Variants in SRC observed in about 807,000 individuals in gnomAD.
SRC encodes the protein SRC proto-oncogene, non-receptor tyrosine kinase.
A neutral mutation model predicts 62.9 loss-of-function variants in SRC; 13 were observed. That is an observed-to-expected ratio of 0.21 (90% CI 0.13 to 0.33). SRC has a LOEUF of 0.33. Ranked by LOEUF, SRC falls within the 10% of genes least tolerant of loss-of-function variation. The pLI is 1.00. For missense variants in SRC, 457 were observed against 737.3 expected (o/e 0.62, Z 4.40); for synonymous variants, 302 against 317.5 (o/e 0.95, Z 0.52).
chr20:37,346,794 G>C (rs2146873190), intron 1 of SRC, among the ~76,000 whole-genome samples: 1 of 152,330 alleles, frequency 6.6e-6, no homozygotes, highest in East Asian at 1.9e-4. Flanking sequence ...GCCTGGAAGG[G>C]ACTGGGCCAG....
At chr20:37,350,155 C>T (rs2069781807) in intron 1 of SRC, among the ~76,000 whole-genome samples, 1 of 152,242 alleles carries the variant, frequency 6.6e-6, no homozygotes, top group Non-Finnish European at 1.5e-5. Flanking sequence ...ATGGCCCCCA[C>T]CCCTTATCTC....
At chr20:37,371,364 C>T (rs574843259) in intron 2 of SRC, among the ~76,000 whole-genome samples, 12 of 152,268 alleles carry the variant, frequency 7.9e-5, no homozygotes, top group African/African-American at 2.6e-4. Flanking sequence ...AGTTTGTTGA[C>T]ATAGAATTAT....
chr20:37,397,688 C>G lies in SRC; in HGVS notation c.704-11C>G, dbSNP rs775965614. Reference sequence around the variant, plus strand: ...AGACCCGCCTAACTGCTCCTCCTGCCTCCTCCTCAGAACACGCCGATGGCC... The same window carrying G: ...AGACCCGCCTAACTGCTCCTCCTGCGTCCTCCTCAGAACACGCCGATGGCC... On this transcript the variant is annotated splice_polypyrimidine_tract_variant and intron_variant, in intron 8 of 13. Transcript: ENST00000373578. The surrounding 1 kb of genome is among the most constrained non-coding windows in gnomAD (Gnocchi z 4.1). 1 of 1,551,312 alleles carries G rather than the reference C, an allele frequency of 6.4e-7. No homozygotes were observed. Among genetic ancestry groups the G allele is most frequent in the East Asian group, 2.3e-5 (1 of 43,252 alleles).
intron 5 of SRC, among the ~76,000 whole-genome samples, chr20:37,387,040 G>A (rs1292625620): frequency 6.6e-6 from 1 of 152,264 alleles, no homozygotes; most frequent in Non-Finnish European, 1.5e-5. Flanking sequence ...CTTGCGGGAG[G>A]GTGCCGGACT....
rs58072907 is a variant in SRC at position 37,348,390 on chromosome 20, G to A, written c.-247+2135G>A. 9.8e-3 allele frequency among the ~76,000 whole-genome samples: 1,488 copies of A among 152,262 alleles called. 32 individuals are homozygous for A. Among genetic ancestry groups the A allele is most frequent in the African/African-American group, 0.033 (1,367 of 41,556 alleles). Reference sequence around the variant, plus strand: ...TGAGGGACCTTCTGCCCATCTCCGTGGTCCTCAGCTGACCCCATTTTCTCA... The same window carrying A: ...TGAGGGACCTTCTGCCCATCTCCGTAGTCCTCAGCTGACCCCATTTTCTCA... On this transcript the variant is annotated intron_variant, in intron 1 of 13. Coordinates refer to ENST00000373578, the MANE Select transcript of SRC (RefSeq NM_198291.3).
At chr20:37,352,816 C>T (rs866511161) in intron 1 of SRC, among the ~76,000 whole-genome samples, 2 of 152,160 alleles carry the variant, frequency 1.3e-5, no homozygotes, top group South Asian at 2.1e-4. Flanking sequence ...GTTATCGGGC[C>T]GTACACCTTT....
chr20:37,396,752 A>C lies in SRC; in HGVS notation c.703+441A>C. On this transcript the variant is annotated intron_variant, in intron 8 of 13. Coordinates refer to ENST00000373578, the MANE Select transcript of SRC (RefSeq NM_198291.3). This position sits in a 1 kb window ranked among gnomAD's most constrained non-coding sequence, Gnocchi z 6.1. ...AAAGAGGGAAGAGAGCGGCAGAGGG[A>C]GCTCGCGGGGCTTGCGTGCTGGGTG... 1 of 186,296 alleles carries C rather than the reference A, an allele frequency of 5.4e-6. No individual in the cohort carries two copies. The highest frequency in any genetic ancestry group is 1.1e-5 in the Non-Finnish European group (1 of 88,860). 11.5% of individuals were successfully genotyped at this position (186,296 alleles called of 1,614,324 possible). A position where few individuals can be genotyped will look rare whatever the true frequency, so the allele number is the denominator to read the frequency against.
At chr20:37,393,476 G>A (rs1302623675) in intron 5 of SRC, among the ~76,000 whole-genome samples, 2 of 152,192 alleles carry the variant, frequency 1.3e-5, no homozygotes, top group African/African-American at 4.8e-5. Context: ...TCTCAGCCAG[G>A]AATCTCTTCT....
chr20:37,384,410 G>T lies in SRC; in HGVS notation c.250+7G>T, dbSNP rs1467601404. 1.5e-6 allele frequency: 2 copies of T among 1,354,658 alleles called. No individual in the cohort carries two copies. The highest frequency in any genetic ancestry group is 3.1e-5 in the African/African-American group (2 of 64,868). 83.9% of individuals were successfully genotyped at this position (1,354,658 alleles called of 1,614,324 possible). On this transcript the variant is annotated splice_region_variant and intron_variant, in intron 4 of 13. Coordinates refer to ENST00000373578, the MANE Select transcript of SRC (RefSeq NM_198291.3). This position sits in a 1 kb window ranked among gnomAD's most constrained non-coding sequence, Gnocchi z 6.7. ...AGGGCGGGCCCGCTGGCCGGTCAGT[G>T]CGCGGGCGGCGCGGGGTCCTCGCCC... is the stretch of plus-strand genomic sequence containing the variant.
Position 37,401,586 on chromosome 20 carries a change from G to A in SRC, c.1040-16G>A, listed in dbSNP as rs1568646070. 1 of 1,603,256 alleles carries A rather than the reference G, an allele frequency of 6.2e-7. No homozygotes were observed. The highest frequency in any genetic ancestry group is 8.5e-7 in the Non-Finnish European group (1 of 1,172,898). On this transcript the variant is annotated splice_polypyrimidine_tract_variant and intron_variant, in intron 10 of 13. Transcript: ENST00000373578. ...GGGACAGGGCAGGAGCTGGAGCTGG[G>A]TCTCTCTCTGCCCAGGGAGTTTGCT...
In SRC at chr20:37,346,234, G is replaced by A. The variant is rs975937000; in HGVS notation, c.-268G>A. 1.1e-3 allele frequency: 172 copies of A among 150,420 alleles called. 1 individual carries two copies. Among genetic ancestry groups the A allele is most frequent in the African/African-American group, 4.0e-3 (164 of 41,136 alleles). 9.3% of individuals were successfully genotyped at this position (150,420 alleles called of 1,614,324 possible). Reference sequence around the variant, plus strand: ...CTCCCGTGCGTCCGTCTGCCGGTGAGCCCGCCCGCCCGCCGGCCCAGGTGA... The same window carrying A: ...CTCCCGTGCGTCCGTCTGCCGGTGAACCCGCCCGCCCGCCGGCCCAGGTGA... On this transcript the variant is annotated 5_prime_UTR_variant, in exon 1 of 14. Coordinates refer to ENST00000373578, the MANE Select transcript of SRC (RefSeq NM_198291.3).
chr20:37,403,158 G>T lies in SRC; in HGVS notation c.1403-13G>T. On this transcript the variant is annotated splice_polypyrimidine_tract_variant and intron_variant, in intron 13 of 13. Coordinates refer to ENST00000373578, the MANE Select transcript of SRC (RefSeq NM_198291.3). The surrounding 1 kb of genome is among the most constrained non-coding windows in gnomAD (Gnocchi z 7.1). Reference sequence around the variant, plus strand: ...ACCGGAGCCGGGCTCCCCATGCCTCGCTCTGCCCACAGGGATGGTGAACCG... The same window carrying T: ...ACCGGAGCCGGGCTCCCCATGCCTCTCTCTGCCCACAGGGATGGTGAACCG... The T allele has an allele frequency of 6.5e-7, 1 of 1,526,888 alleles. No homozygotes were observed. Among genetic ancestry groups the T allele is most frequent in the Non-Finnish European group, 8.8e-7 (1 of 1,138,974 alleles). 94.6% of individuals were successfully genotyped at this position (1,526,888 alleles called of 1,614,324 possible).
chr20:37,379,029 T>G (rs1419941752), intron 2 of SRC, among the ~76,000 whole-genome samples: 1 of 150,796 alleles, frequency 6.6e-6, no homozygotes, highest in East Asian at 2.0e-4. Flanking sequence ...GGGGGGGAGA[T>G]GCAGGCTTAG....
chr20:37,403,501 G>A lies in SRC; in HGVS notation c.*122G>A, dbSNP rs991538266. On this transcript the variant is annotated 3_prime_UTR_variant, in exon 14 of 14. Coordinates refer to ENST00000373578, the MANE Select transcript of SRC (RefSeq NM_198291.3). The surrounding 1 kb of genome is among the most constrained non-coding windows in gnomAD (Gnocchi z 7.1). The stretch of plus-strand genomic sequence containing the variant: ...TCTCTCTGTGGGGCTGAATTGCCAG[G>A]GGCGAGGCCCTTCCTCTTTGGTGGC... The A allele has an allele frequency of 1.2e-5, 14 of 1,159,344 alleles. No homozygotes were observed. Among genetic ancestry groups the A allele is most frequent in the Non-Finnish European group, 1.5e-5 (13 of 840,658 alleles). 71.8% of individuals were successfully genotyped at this position (1,159,344 alleles called of 1,614,324 possible). A position where few individuals can be genotyped will look rare whatever the true frequency, so the allele number is the denominator to read the frequency against.
intron 5 of SRC, among the ~76,000 whole-genome samples, chr20:37,387,027 C>T (rs1173092108): frequency 6.6e-6 from 1 of 152,222 alleles, no homozygotes; most frequent in African/African-American, 2.4e-5. Context: ...GGTGGAAGGG[C>T]AGCTTGCGGG....
chr20:37,396,616 G>T lies in SRC; in HGVS notation c.703+305G>T, dbSNP rs888915298. On this transcript the variant is annotated intron_variant, in intron 8 of 13. Transcript: ENST00000373578. This position sits in a 1 kb window ranked among gnomAD's most constrained non-coding sequence, Gnocchi z 6.1. ...GGGGGCTGCCCTGAGGAGCCCCAGA[G>T]TAAGCTGGAAGGGAGGGGACAGAGG... The T allele has an allele frequency of 2.3e-6, 1 of 438,208 alleles. No individual in the cohort carries two copies. 27.1% of individuals were successfully genotyped at this position (438,208 alleles called of 1,614,324 possible).
chr20:37,381,927 G>A (rs1306719080), intron 2 of SRC, among the ~76,000 whole-genome samples: 1 of 152,136 alleles, frequency 6.6e-6, no homozygotes, highest in Admixed American at 6.5e-5. Context: ...TCTGAGCTGG[G>A]TGGTCCCCAG....
chr20:37,360,382 C>A (rs1286843516), intron 1 of SRC, among the ~76,000 whole-genome samples: 1 of 151,876 alleles, frequency 6.6e-6, no homozygotes, highest in East Asian at 1.9e-4. Flanking sequence ...TACCACCCCA[C>A]CTGGCTAGTT....
chr20:37,375,624 C>G (rs538645327), intron 2 of SRC, among the ~76,000 whole-genome samples: 4 of 152,118 alleles, frequency 2.6e-5, no homozygotes, highest in Non-Finnish European at 5.9e-5. Flanking sequence ...GTCCGTCTGC[C>G]TCAGCCTCCC....
Sources: gnomAD v4.1 joint callset for allele counts (sites outside exome capture counted in the v4.1 genomes callset) on GRCh38, gnomAD v4.1.1 for gene constraint, Gnocchi (gnomAD v3.1) non-coding constraint, MANE v1.5 for transcripts, NCBI Gene and HGNC (gene_info 2026-07-23, HGNC 2026-07-21) for gene names.